The following KAZN variants were observed in gnomAD, a reference collection of about 807,000 sequenced individuals.
The protein encoded by KAZN is kazrin.
Under a neutral mutation model 87.4 loss-of-function variants are expected in KAZN, and 40 were observed. That is an observed-to-expected ratio of 0.46 (90% CI 0.36 to 0.60). The LOEUF (loss-of-function observed/expected upper bound fraction) is 0.60, where lower values mean the gene tolerates loss of function less well. Among genes scored for constraint, KAZN ranks in the 20% least tolerant of loss-of-function variants. The probability of loss-of-function intolerance (pLI) is 0.00; values close to 1 mark genes in which losing one functional copy is unlikely to be tolerated. For missense variants in KAZN, 898 were observed against 1,073.9 expected (o/e 0.84, Z 2.29); for synonymous variants, 466 against 458.3 (o/e 1.02, Z -0.22).
chr1:14,554,837 A>G (rs1673761686), intron 2 of KAZN, among the ~76,000 whole-genome samples: 1 of 152,204 alleles, frequency 6.6e-6, no homozygotes, highest in East Asian at 1.9e-4. Flanking sequence ...GATCGTTATT[A>G]CCAATCAATT....
intron 2 of KAZN, among the ~76,000 whole-genome samples, chr1:14,289,652 T>C (rs976733055): frequency 4.6e-5 from 7 of 152,218 alleles, no homozygotes; most frequent in Non-Finnish European, 1.0e-4. Flanking sequence ...AGTCTGTGTC[T>C]TTTAATTGAG....
intron 1 of KAZN, among the ~76,000 whole-genome samples, chr1:14,006,768 T>C (rs553532340): frequency 6.6e-6 from 1 of 152,226 alleles, no homozygotes; most frequent in African/African-American, 2.4e-5. Context: ...GTGATGCCTC[T>C]AACTTTGTTT....
chr1:14,546,527 G>A (rs927897530), intron 2 of KAZN, among the ~76,000 whole-genome samples: 1 of 151,954 alleles, frequency 6.6e-6, no homozygotes, highest in African/African-American at 2.4e-5. Flanking sequence ...GTTTCTCGGT[G>A]ATTTACGTAG....
chr1:14,307,798 G>A (rs1394082703), intron 2 of KAZN, among the ~76,000 whole-genome samples: 1 of 152,128 alleles, frequency 6.6e-6, no homozygotes, highest in East Asian at 1.9e-4. Flanking sequence ...GAAATAGAGT[G>A]GATACAGAGT....
chr1:13,896,458 T>C (rs1415732071), intron 1 of KAZN, among the ~76,000 whole-genome samples: 1 of 152,102 alleles, frequency 6.6e-6, no homozygotes, highest in Non-Finnish European at 1.5e-5. Context: ...CCAGGTTAAT[T>C]TTTTAATTTT....
intron 1 of KAZN, among the ~76,000 whole-genome samples, chr1:14,817,578 A>G (rs918916348): frequency 6.6e-6 from 1 of 152,232 alleles, no homozygotes; most frequent in Non-Finnish European, 1.5e-5. Flanking sequence ...TAGGTGCTCA[A>G]TAATGTTTGC....
chr1:14,693,132 G>T (rs1641414351), intron 1 of KAZN, among the ~76,000 whole-genome samples: 1 of 152,194 alleles, frequency 6.6e-6, no homozygotes, highest in African/African-American at 2.4e-5. Context: ...GGCTGATTAT[G>T]TCTCGCCTTC....
At chr1:14,056,245 A>G (rs1642550168) in intron 1 of KAZN, among the ~76,000 whole-genome samples, 1 of 152,222 alleles carries the variant, frequency 6.6e-6, no homozygotes, top group African/African-American at 2.4e-5. Flanking sequence ...CGAGCTCCGC[A>G]GGTGTGATTA....
chr1:14,785,706 T>C (rs1334661567), intron 1 of KAZN, among the ~76,000 whole-genome samples: 1 of 152,216 alleles, frequency 6.6e-6, no homozygotes, highest in Non-Finnish European at 1.5e-5. Flanking sequence ...GAGAATAATA[T>C]CTTTCTTAGA....
intron 1 of KAZN, among the ~76,000 whole-genome samples, chr1:14,736,756 T>G (rs1258881959): frequency 6.6e-6 from 1 of 152,156 alleles, no homozygotes; most frequent in Non-Finnish European, 1.5e-5. Context: ...GGTGAAGGAA[T>G]AGTATATTCA....
At chr1:14,452,666 C>G (rs1452304543) in intron 2 of KAZN, among the ~76,000 whole-genome samples, 1 of 152,176 alleles carries the variant, frequency 6.6e-6, no homozygotes, top group African/African-American at 2.4e-5. Flanking sequence ...ACCTAGAAGA[C>G]AGCCAGCGCA....
intron 1 of KAZN, among the ~76,000 whole-genome samples, chr1:14,930,614 C>T (rs1011332145): frequency 1.3e-5 from 2 of 152,210 alleles, no homozygotes; most frequent in African/African-American, 4.8e-5. Flanking sequence ...GCCATTCTCC[C>T]CATCTTACGG....
At chr1:14,787,806 C>T (rs939695837) in intron 1 of KAZN, among the ~76,000 whole-genome samples, 10 of 152,172 alleles carry the variant, frequency 6.6e-5, no homozygotes, top group East Asian at 1.9e-4. Flanking sequence ...TCTAGGAATC[C>T]GCAATAGCCC....
chr1:14,340,151 G>A (rs77108564), intron 2 of KAZN, among the ~76,000 whole-genome samples: 23,444 of 152,240 alleles, frequency 0.15, 2,347 homozygotes, highest in Middle Eastern at 0.25. Context: ...CTGAGCATCC[G>A]CACTGTGTGA....
chr1:14,308,219 T>C (rs1655058434), intron 2 of KAZN, among the ~76,000 whole-genome samples: 1 of 152,150 alleles, frequency 6.6e-6, no homozygotes, highest in African/African-American at 2.4e-5. Flanking sequence ...ATATAGAACA[T>C]TATTAGGACA....
intron 2 of KAZN, among the ~76,000 whole-genome samples, chr1:14,311,316 G>A (rs1252118728): frequency 1.3e-5 from 2 of 152,250 alleles, no homozygotes; most frequent in African/African-American, 2.4e-5. Context: ...CTGCACAATG[G>A]CATAATAAAA....
chr1:14,575,156 G>A (rs1349345770), intron 2 of KAZN, among the ~76,000 whole-genome samples: 1 of 151,786 alleles, frequency 6.6e-6, no homozygotes, highest in East Asian at 1.9e-4. Flanking sequence ...AATAGGTCAT[G>A]GAGGTCACTC....
intron 1 of KAZN, among the ~76,000 whole-genome samples, chr1:14,830,520 A>G (rs966947257): frequency 2.6e-5 from 4 of 152,172 alleles, no homozygotes; most frequent in African/African-American, 9.7e-5. Flanking sequence ...AGACTGGGCA[A>G]TGTATGGAGA....
intron 1 of KAZN, among the ~76,000 whole-genome samples, chr1:13,993,479 T>TATAGA (rs1284629156): frequency 6.6e-6 from 1 of 152,240 alleles, no homozygotes; most frequent in Non-Finnish European, 1.5e-5. Context: ...ATTTCAACTG[T>TATAGA]ATAGAATTTT....
Sources: allele counts gnomAD v4.1 joint callset (sites outside exome capture counted in the v4.1 genomes callset), GRCh38; gene constraint gnomAD v4.1.1; transcripts MANE v1.5; gene names NCBI Gene and HGNC (gene_info 2026-07-23, HGNC 2026-07-21).